Variants in CSMD1 observed in about 807,000 individuals in gnomAD.
CSMD1 encodes the protein CUB and Sushi multiple domains 1, also known as CUB and sushi domain-containing protein 1.
Under a neutral mutation model 417.5 loss-of-function variants are expected in CSMD1, and 213 were observed. The ratio of observed to expected loss-of-function variants is 0.51; its 90% CI spans 0.46 to 0.57. The LOEUF (loss-of-function observed/expected upper bound fraction) is 0.57. Ranked by LOEUF, CSMD1 falls within the 20% of genes least tolerant of loss-of-function variation. The probability of loss-of-function intolerance (pLI) is 0.00; values close to 1 mark genes in which losing one functional copy is unlikely to be tolerated. For synonymous variants in CSMD1, 2,862 were observed against 1,736.8 expected (o/e 1.65, Z -16.11); for missense variants, 6,923 against 4,529.7 (o/e 1.53, Z -15.17).
At chr8:4,273,284 G>C (rs529711656) in intron 3 of CSMD1, among the ~76,000 whole-genome samples, 8 of 152,102 alleles carry the variant, frequency 5.3e-5, no homozygotes, top group Admixed American at 3.3e-4. Context: ...AAATGAATGT[G>C]AGTATATGTA....
chr8:4,227,284 C>T (rs564536980), intron 3 of CSMD1, among the ~76,000 whole-genome samples: 19 of 152,262 alleles, frequency 1.2e-4, no homozygotes, highest in Admixed American at 2.6e-4. Context: ...CACATATCCC[C>T]TCGGTCTGCC....
chr8:3,039,847 C>T (rs1001937635), intron 50 of CSMD1, among the ~76,000 whole-genome samples: 3 of 152,146 alleles, frequency 2.0e-5, no homozygotes, highest in African/African-American at 7.2e-5. Context: ...ACATGCTTTG[C>T]CAAATATCAG....
chr8:4,734,610 T>C (rs1335043934), intron 1 of CSMD1, among the ~76,000 whole-genome samples: 1 of 152,226 alleles, frequency 6.6e-6, no homozygotes, highest in Non-Finnish European at 1.5e-5. Context: ...AACTATACTG[T>C]ATAACATTAT....
chr8:3,575,205 C>G (rs1243889172), intron 9 of CSMD1, 139 bp from the exon 10 acceptor site: 2 of 895,334 alleles, frequency 2.2e-6, no homozygotes, highest in Non-Finnish European at 3.3e-6. Context: ...TGGACTCCAA[C>G]TGGGGCATGG....
At chr8:3,713,540 T>A (rs1229747779) in intron 6 of CSMD1, among the ~76,000 whole-genome samples, 1 of 152,036 alleles carries the variant, frequency 6.6e-6, no homozygotes, top group Non-Finnish European at 1.5e-5. Flanking sequence ...TCTGCCTTCC[T>A]CAAGATCCAC....
At chr8:3,946,089 G>A (rs955593645) in intron 5 of CSMD1, among the ~76,000 whole-genome samples, 6 of 152,090 alleles carry the variant, frequency 3.9e-5, no homozygotes, top group African/African-American at 1.4e-4. Context: ...GTGATCTGTG[G>A]AGGACTTTAT....
intron 2 of CSMD1, among the ~76,000 whole-genome samples, chr8:4,491,370 C>G (rs1264671672): frequency 6.6e-6 from 1 of 152,100 alleles, no homozygotes; most frequent in Admixed American, 6.6e-5. Context: ...CTAGCAACAT[C>G]CATTATAGCG....
At chr8:3,384,878 T>C (rs7841887) in intron 18 of CSMD1, among the ~76,000 whole-genome samples, 3,385 of 122,006 alleles carry the variant, frequency 0.028, 179 homozygotes, top group African/African-American at 0.1. Flanking sequence ...ATATATTATA[T>C]ATGCAAATAT....
chr8:4,643,640 G>A (rs1000496168), intron 1 of CSMD1, among the ~76,000 whole-genome samples: 6 of 152,222 alleles, frequency 3.9e-5, no homozygotes, highest in Non-Finnish European at 7.3e-5. Context: ...TTGAAATAGT[G>A]AGAGGCCTCA....
At position 3,706,037 on chromosome 8, in the gene CSMD1, C is replaced by T. The variant is rs117494954; in HGVS notation, c.1009+2377G>A. On this transcript the variant is annotated intron_variant, in intron 7 of 69. Coordinates refer to ENST00000635120, the MANE Select transcript of CSMD1 (RefSeq NM_033225.6). ...ATGAGGTGCTGAAGAGGAAACGGGG[C>T]TCATGGTGGGAACGCCTAAGGCACG... Among the ~76,000 whole-genome samples the T allele has an allele frequency of 3.9e-5, 6 of 152,348 alleles. No individual in the cohort carries two copies. In the East Asian group the frequency reaches 1.2e-3, roughly 29 times the overall value.
intron 3 of CSMD1, among the ~76,000 whole-genome samples, chr8:4,167,668 G>T (rs974053764): frequency 2.0e-5 from 3 of 152,142 alleles, no homozygotes; most frequent in Non-Finnish European, 2.9e-5. Context: ...CACATAAAAA[G>T]ATATTGGTTA....
intron 1 of CSMD1, among the ~76,000 whole-genome samples, chr8:4,796,627 G>A (rs1415582568): frequency 6.6e-6 from 1 of 152,078 alleles, no homozygotes; most frequent in Non-Finnish European, 1.5e-5. Flanking sequence ...AAACACAGGT[G>A]GCATACCCAT....
At position 3,880,816 on chromosome 8, in the gene CSMD1, A is replaced by G. The variant is rs571751839; in HGVS notation, c.818+117087T>C. Among the ~76,000 whole-genome samples the G allele has an allele frequency of 3.3e-5, 5 of 152,346 alleles. No homozygotes were observed. In the South Asian group the frequency reaches 1.0e-3, roughly 32 times the overall value. Reference sequence around the variant, plus strand: ...TTTTAGATGGTTGGTTATAAAGATAATTCCTAAAAATAACGTAATGACCTG... The same window carrying G: ...TTTTAGATGGTTGGTTATAAAGATAGTTCCTAAAAATAACGTAATGACCTG... On this transcript the variant is annotated intron_variant, in intron 5 of 69. Coordinates refer to ENST00000635120, the MANE Select transcript of CSMD1 (RefSeq NM_033225.6).
intron 3 of CSMD1, among the ~76,000 whole-genome samples, chr8:4,186,758 G>A (rs1439607697): frequency 1.3e-5 from 2 of 151,786 alleles, no homozygotes; most frequent in African/African-American, 4.8e-5. Flanking sequence ...AAGCTGAGGC[G>A]GGTGGATCAC....
At chr8:3,872,848 A>G (rs1040028072) in intron 5 of CSMD1, among the ~76,000 whole-genome samples, 15 of 151,972 alleles carry the variant, frequency 9.9e-5, no homozygotes, top group Non-Finnish European at 2.1e-4. Flanking sequence ...CCAAAAAAAA[A>G]AAAGAAAGAA....
intron 2 of CSMD1, among the ~76,000 whole-genome samples, chr8:4,554,226 T>C (rs1797994565): frequency 1.3e-5 from 2 of 152,158 alleles, no homozygotes; most frequent in African/African-American, 4.8e-5. Flanking sequence ...AACCTATGCT[T>C]CCCGGGTTCA....
At chr8:4,229,871 G>A (rs778390812) in intron 3 of CSMD1, among the ~76,000 whole-genome samples, 1 of 152,130 alleles carries the variant, frequency 6.6e-6, no homozygotes, top group African/African-American at 2.4e-5. Context: ...TTCTGCCCCA[G>A]TGTTGAAATC....
At chr8:4,167,625 A>G (rs1278322298) in intron 3 of CSMD1, among the ~76,000 whole-genome samples, 1 of 152,214 alleles carries the variant, frequency 6.6e-6, no homozygotes, top group African/African-American at 2.4e-5. Context: ...TGGGGGACAG[A>G]TAAATCCATC....
At chr8:3,029,596 G>A in intron 50 of CSMD1, 83 bp from the exon 51 acceptor site, 3 of 1,238,930 alleles carry the variant, frequency 2.4e-6, no homozygotes, top group Non-Finnish European at 3.4e-6. Flanking sequence ...GCAAGGTCTT[G>A]CTATATGAAA....
Sources: gnomAD v4.1 joint callset for allele counts (sites outside exome capture counted in the v4.1 genomes callset) on GRCh38, gnomAD v4.1.1 for gene constraint, MANE v1.5 for transcripts, NCBI Gene and HGNC (gene_info 2026-07-23, HGNC 2026-07-21) for gene names.